Variants in FAM171A1 observed in about 807,000 individuals in gnomAD.
FAM171A1 encodes protein FAM171A1.
In FAM171A1, 23 loss-of-function variants were observed where a neutral mutation model predicts 74.9. The observed-to-expected ratio is 0.31, with a 90% CI of 0.22 to 0.44. The LOEUF is 0.44. Among genes scored for constraint, FAM171A1 ranks in the 20% least tolerant of loss-of-function variants. The pLI is 1.00. For missense variants in FAM171A1, 1,162 were observed against 1,159.2 expected, an observed-to-expected ratio of 1.00 and a Z score of -0.03; for synonymous variants, 527 against 505.7, an observed-to-expected ratio of 1.04 and a Z score of -0.57.
chr10:15,296,341 A>T (rs960519114), intron 1 of FAM171A1, among the ~76,000 whole-genome samples: 1 of 152,114 alleles, frequency 6.6e-6, no homozygotes, highest in Admixed American at 6.6e-5. Flanking sequence ...CATATAACAG[A>T]TTATTTAATA....
intron 1 of FAM171A1, among the ~76,000 whole-genome samples, chr10:15,365,222 G>T (rs943817038): frequency 2.6e-5 from 4 of 152,208 alleles, no homozygotes; most frequent in African/African-American, 7.2e-5. Flanking sequence ...GATTTTAAGG[G>T]AGGGAAGGGA....
At chr10:15,348,167 T>C (rs1320474640) in intron 1 of FAM171A1, among the ~76,000 whole-genome samples, 2 of 152,072 alleles carry the variant, frequency 1.3e-5, no homozygotes, top group Middle Eastern at 3.4e-3. Context: ...TTAGTAGAGA[T>C]GGGGTTTCAC....
At chr10:15,305,768 T>C (rs1835287169) in intron 1 of FAM171A1, among the ~76,000 whole-genome samples, 1 of 151,444 alleles carries the variant, frequency 6.6e-6, no homozygotes, top group Non-Finnish European at 1.5e-5. Flanking sequence ...AAGTGGTTAA[T>C]TGTACATCCA....
chr10:15,242,755 C>A (rs4604773), intron 5 of FAM171A1, among the ~76,000 whole-genome samples: 11,040 of 152,092 alleles, frequency 0.073, 457 homozygotes, highest in Middle Eastern at 0.17. Flanking sequence ...TGCACCACTG[C>A]ATGCCAGTCT....
At chr10:15,368,157 T>C (rs1564293547) in intron 1 of FAM171A1, among the ~76,000 whole-genome samples, 2 of 152,254 alleles carry the variant, frequency 1.3e-5, no homozygotes, top group African/African-American at 2.4e-5. Flanking sequence ...TTCAAATTCA[T>C]GATAAACAAA....
chr10:15,238,019 A>G (rs1834316296), intron 5 of FAM171A1, among the ~76,000 whole-genome samples: 1 of 152,186 alleles, frequency 6.6e-6, no homozygotes. Flanking sequence ...TACGGCATCT[A>G]TTCTTTTTCA....
At chr10:15,365,081 A>G (rs1836042615) in intron 1 of FAM171A1, among the ~76,000 whole-genome samples, 1 of 152,170 alleles carries the variant, frequency 6.6e-6, no homozygotes, top group Admixed American at 6.5e-5. Context: ...ATGGCCAGAG[A>G]GCACAATTAC....
At chr10:15,272,594 T>G (rs1336535948) in intron 3 of FAM171A1, among the ~76,000 whole-genome samples, 3 of 152,200 alleles carry the variant, frequency 2.0e-5, no homozygotes, top group Non-Finnish European at 4.4e-5. Flanking sequence ...TATACATTCT[T>G]CTCAGCATCA....
chr10:15,368,290 T>A (rs919542191), intron 1 of FAM171A1, among the ~76,000 whole-genome samples: 2 of 152,166 alleles, frequency 1.3e-5, no homozygotes, highest in Non-Finnish European at 2.9e-5. Context: ...AAAAGCAAAG[T>A]AATGCCAAGA....
In FAM171A1 at chr10:15,213,683, G is replaced by C; in HGVS notation, c.1905C>G (p.Pro635=). Reference sequence around the variant, plus strand: ...AGATGGCCTGGGAAGACAGGGGCTGGGGCTGGATCTGTGAGGACGGGTGTG... The same window carrying C: ...AGATGGCCTGGGAAGACAGGGGCTGCGGCTGGATCTGTGAGGACGGGTGTG... The part of the protein sequence containing the change: ...IFPHPSSQIQ[P]QPLSSQAISQ... Residue 635 remains proline, a synonymous_variant, in exon 8 of 8, where the codon CCC becomes CCG. Transcript: ENST00000378116. The surrounding 1 kb of genome is among the most constrained non-coding windows in gnomAD (Gnocchi z 6.8). 1 of 1,613,194 alleles carries C rather than the reference G, an allele frequency of 6.2e-7. No homozygotes were observed. The highest frequency in any genetic ancestry group is 1.1e-5 in the South Asian group (1 of 90,978).
intron 2 of FAM171A1, 79 bp from the exon 3 acceptor site, chr10:15,276,026 C>A: frequency 1.0e-6 from 1 of 952,674 alleles, no homozygotes; most frequent in Non-Finnish European, 1.6e-6. Flanking sequence ...GGATACTCTG[C>A]AGTTTTTGTA....
intron 1 of FAM171A1, among the ~76,000 whole-genome samples, chr10:15,306,525 T>C (rs531816401): frequency 6.6e-6 from 1 of 152,246 alleles, no homozygotes; most frequent in South Asian, 2.1e-4. Context: ...CCACCATGCC[T>C]GGCTAATTTT....
intron 1 of FAM171A1, among the ~76,000 whole-genome samples, chr10:15,362,395 T>C (rs577806829): frequency 2.6e-5 from 4 of 152,316 alleles, no homozygotes; most frequent in African/African-American, 9.6e-5. Context: ...CGTGCATAAC[T>C]CCTTGAAATA....
chr10:15,269,322 C>G (rs919641397), intron 3 of FAM171A1, among the ~76,000 whole-genome samples: 1 of 151,788 alleles, frequency 6.6e-6, no homozygotes, highest in African/African-American at 2.4e-5. Context: ...TCTTGCTTAA[C>G]TGCCCTGGCT....
chr10:15,221,690 T>A (rs1834041172), intron 5 of FAM171A1, among the ~76,000 whole-genome samples: 1 of 152,190 alleles, frequency 6.6e-6, no homozygotes, highest in Non-Finnish European at 1.5e-5. Flanking sequence ...AACAAGCACC[T>A]GCTATGCACT....
At chr10:15,245,088 C>T (rs375963703) in intron 5 of FAM171A1, among the ~76,000 whole-genome samples, 7 of 151,532 alleles carry the variant, frequency 4.6e-5, no homozygotes, top group East Asian at 1.9e-4. Context: ...TTTTTTGAGA[C>T]GGTGTCTCAC....
At chr10:15,290,678 G>A (rs943675289) in intron 1 of FAM171A1, among the ~76,000 whole-genome samples, 2 of 152,166 alleles carry the variant, frequency 1.3e-5, no homozygotes, top group East Asian at 1.9e-4. Flanking sequence ...AAGGCAGAAC[G>A]GGGAACCTAT....
chr10:15,318,446 A>G (rs1285655260), intron 1 of FAM171A1, among the ~76,000 whole-genome samples: 1 of 152,162 alleles, frequency 6.6e-6, no homozygotes, highest in African/African-American at 2.4e-5. Flanking sequence ...TATACAGAAA[A>G]AGGCAATCAA....
chr10:15,298,456 T>C (rs964157163), intron 1 of FAM171A1, among the ~76,000 whole-genome samples: 2 of 152,200 alleles, frequency 1.3e-5, no homozygotes, highest in Non-Finnish European at 2.9e-5. Flanking sequence ...GTCTTCTTGA[T>C]GTAGTATCAG....
Sources: gnomAD v4.1 joint callset for allele counts (sites outside exome capture counted in the v4.1 genomes callset) on GRCh38, gnomAD v4.1.1 for gene constraint, Gnocchi (gnomAD v3.1) non-coding constraint, MANE v1.5 for transcripts, NCBI Gene and HGNC (gene_info 2026-07-23, HGNC 2026-07-21) for gene names.